The following SAMMSON variants were observed in gnomAD, a reference collection of about 807,000 sequenced individuals.
The protein encoded by SAMMSON is long intergenic non-protein coding RNA 1212.
At position 70,013,197 on chromosome 3, in the gene SAMMSON, G is replaced by A. The variant is rs144762308; in HGVS notation, n.265-323G>A. ...GGTGATAATCATGATTTTAAGTTCC[G>A]AATTTGTCTAGGTTTTGACTCTGGC... On this transcript the variant is annotated intron_variant and non_coding_transcript_variant, in intron 2 of 9. Transcript: ENST00000642114. 9.2e-5 allele frequency among the ~76,000 whole-genome samples: 14 copies of A among 152,096 alleles called. 1 individual carries two copies. Among genetic ancestry groups the A allele is most frequent in the African/African-American group, 3.1e-4 (13 of 41,486 alleles).
chr3:70,280,369 G>A (rs926906894), intron 6 of SAMMSON, among the ~76,000 whole-genome samples: 2 of 152,042 alleles, frequency 1.3e-5, no homozygotes, highest in African/African-American at 4.8e-5. Context: ...CAGGTTCCAG[G>A]AATCAGGACC....
At chr3:70,040,741 C>T (rs549772053) in intron 3 of SAMMSON, among the ~76,000 whole-genome samples, 11 of 152,140 alleles carry the variant, frequency 7.2e-5, no homozygotes, top group East Asian at 5.8e-4. Flanking sequence ...CTCTTCCCAC[C>T]GCCTGCCAAT....
intron 4 of SAMMSON, among the ~76,000 whole-genome samples, chr3:70,241,396 T>C (rs1701666410): frequency 1.3e-5 from 2 of 152,192 alleles, no homozygotes; most frequent in South Asian, 4.1e-4. Context: ...TGAGATGTTT[T>C]CACCAGTCAT....
chr3:70,241,577 T>TCATTTTAGA (rs1701667679), intron 4 of SAMMSON, among the ~76,000 whole-genome samples: 1 of 152,182 alleles, frequency 6.6e-6, no homozygotes, highest in African/African-American at 2.4e-5. Context: ...AGTATTTTTC[T>TCATTTTAGA]CATTTTAGAG....
chr3:70,276,154 T>C (rs1250547757), intron 6 of SAMMSON, among the ~76,000 whole-genome samples: 5 of 152,192 alleles, frequency 3.3e-5, no homozygotes, highest in African/African-American at 9.6e-5. Flanking sequence ...TGAATTCCAA[T>C]GTCTAGAATA....
intron 2 of SAMMSON, among the ~76,000 whole-genome samples, chr3:70,418,742 C>A (rs1701284562): frequency 1.3e-5 from 2 of 152,330 alleles, no homozygotes; most frequent in Admixed American, 6.5e-5. Flanking sequence ...TGAAACCCAG[C>A]AGTGTATAAT....
chr3:70,230,223 T>C (rs1477565804), intron 4 of SAMMSON, among the ~76,000 whole-genome samples: 1 of 152,184 alleles, frequency 6.6e-6, no homozygotes, highest in Non-Finnish European at 1.5e-5. Context: ...ATAATTTACA[T>C]TGGACAGTGA....
intron 3 of SAMMSON, among the ~76,000 whole-genome samples, chr3:70,053,177 T>C (rs2067152745): frequency 6.6e-6 from 1 of 152,154 alleles, no homozygotes; most frequent in African/African-American, 2.4e-5. Context: ...ATTACTTTTC[T>C]TCTTTACAGG....
chr3:70,207,400 G>A (rs1288675461), intron 4 of SAMMSON, among the ~76,000 whole-genome samples: 1 of 151,950 alleles, frequency 6.6e-6, no homozygotes, highest in East Asian at 1.9e-4. Context: ...TGCTTCTTGG[G>A]AACATGCTTT....
At chr3:70,255,160 A>C (rs1307296408) in intron 6 of SAMMSON, among the ~76,000 whole-genome samples, 1 of 152,236 alleles carries the variant, frequency 6.6e-6, no homozygotes. Context: ...TTGGTATCAA[A>C]GAAGTTAATT....
At chr3:70,285,784 T>G (rs1170235321) in intron 6 of SAMMSON, among the ~76,000 whole-genome samples, 3 of 152,190 alleles carry the variant, frequency 2.0e-5, no homozygotes, top group Non-Finnish European at 2.9e-5. Context: ...ATTGTGGTTT[T>G]GATTTGCATT....
chr3:70,013,399 A>C (rs116132449), intron 2 of SAMMSON: 43 of 152,298 alleles, frequency 2.8e-4, no homozygotes, highest in African/African-American at 1.0e-3. Context: ...ATAGTCAGTC[A>C]TGTTGCTTTA....
At chr3:70,420,128 T>C (rs1028146961) in intron 2 of SAMMSON, among the ~76,000 whole-genome samples, 2 of 152,210 alleles carry the variant, frequency 1.3e-5, no homozygotes, top group Non-Finnish European at 2.9e-5. Context: ...TGTCCTTGGA[T>C]AGTAGAGGTG....
chr3:70,026,083 A>C (rs1160951933), intron 3 of SAMMSON, among the ~76,000 whole-genome samples: 1 of 152,178 alleles, frequency 6.6e-6, no homozygotes, highest in African/African-American at 2.4e-5. Flanking sequence ...AAAAAAGAGA[A>C]AATAATTTTG....
intron 7 of SAMMSON, among the ~76,000 whole-genome samples, chr3:70,324,165 A>C (rs1411695439): frequency 8.6e-6 from 1 of 116,596 alleles, no homozygotes; most frequent in Admixed American, 9.1e-5. Flanking sequence ...CTATCTATCT[A>C]TCTATCTATC....
chr3:70,246,320 C>T (rs1024133618), intron 4 of SAMMSON, among the ~76,000 whole-genome samples: 2 of 152,004 alleles, frequency 1.3e-5, no homozygotes, highest in African/African-American at 4.8e-5. Context: ...ACAGTTTGAA[C>T]GTAAGCTGGA....
chr3:70,231,085 C>T (rs1005582513), intron 4 of SAMMSON, among the ~76,000 whole-genome samples: 1 of 152,180 alleles, frequency 6.6e-6, no homozygotes, highest in Non-Finnish European at 1.5e-5. Flanking sequence ...GACATAACAG[C>T]TCTATTGTTA....
Position 70,203,335 on chromosome 3 carries a change from C to T in SAMMSON, n.508-45772C>T, listed in dbSNP as rs553788862. Among the ~76,000 whole-genome samples, 7 of 152,206 alleles carry T rather than the reference C, an allele frequency of 4.6e-5. No individual in the cohort carries two copies. In the South Asian group the frequency reaches 1.2e-3, roughly 27 times the overall value. On this transcript the variant is annotated intron_variant and non_coding_transcript_variant, in intron 4 of 9. Coordinates refer to ENST00000642114, the Ensembl canonical transcript of SAMMSON. ...AGTGTAAAAATCGGTTCCCACTCCC[C>T]CACACTGAGTTCTTTAAAAAATGTC...
At chr3:70,334,481 G>C (rs1383321792) in intron 7 of SAMMSON, among the ~76,000 whole-genome samples, 1 of 151,854 alleles carries the variant, frequency 6.6e-6, no homozygotes, top group Non-Finnish European at 1.5e-5. Flanking sequence ...CACTAGTAGG[G>C]ATTTAAATGA....
Sources: allele counts gnomAD v4.1 joint callset (sites outside exome capture counted in the v4.1 genomes callset), GRCh38; gene constraint gnomAD v4.1.1; transcripts MANE v1.5; gene names NCBI Gene and HGNC (gene_info 2026-07-23, HGNC 2026-07-21).